Variants in EPB41L1 observed in about 807,000 individuals in gnomAD.
EPB41L1 encodes erythrocyte membrane protein band 4.1 like 1.
A neutral mutation model predicts 97.8 loss-of-function variants in EPB41L1; 29 were observed. The observed-to-expected ratio is 0.30, with a 90% CI of 0.22 to 0.40. The LOEUF is 0.40. Among genes scored for constraint, EPB41L1 ranks in the 10% least tolerant of loss-of-function variants. The pLI is 1.00. For synonymous variants in EPB41L1, 383 were observed against 459.2 expected, an observed-to-expected ratio of 0.83 and a Z score of 2.12; for missense variants, 812 against 1,162.3, an observed-to-expected ratio of 0.70 and a Z score of 4.38.
chr20:36,190,309 G>A lies in EPB41L1; in HGVS notation c.1059G>A (p.Lys353=). ...AATTTGAGAGCACAATTGGCTTTAA[G>A]CTCCCAAACCACCGGTCAGCCAAGA... The part of the protein sequence containing the change: ...YEQFESTIGF[K]LPNHRSAKRL... The change falls in exon 10 of 22, where the codon AAG becomes AAA. Residue 353 remains lysine, a synonymous_variant. Transcript: ENST00000338074. This position sits in a 1 kb window ranked among gnomAD's most constrained non-coding sequence, Gnocchi z 5.8. 6.2e-7 allele frequency: 1 copy of A among 1,614,190 alleles called. No individual in the cohort carries two copies. The highest frequency in any genetic ancestry group is 8.5e-7 in the Non-Finnish European group (1 of 1,180,032).
chr20:36,225,164 A>G (rs991023333), intron 21 of EPB41L1, among the ~76,000 whole-genome samples: 2 of 152,136 alleles, frequency 1.3e-5, no homozygotes, highest in African/African-American at 4.8e-5. Flanking sequence ...TTCACATTCT[A>G]TTTCTATTGG....
chr20:36,227,909 C>T (rs920902046), intron 21 of EPB41L1, among the ~76,000 whole-genome samples: 1 of 152,212 alleles, frequency 6.6e-6, no homozygotes, highest in Non-Finnish European at 1.5e-5. Context: ...GAGGACCTGT[C>T]TCCCAAACAC....
At position 36,191,570 on chromosome 20, in the gene EPB41L1, C is replaced by T. The variant is rs911160507; in HGVS notation, c.1300+773C>T. On this transcript the variant is annotated intron_variant, in intron 11 of 21. Transcript: ENST00000338074. ...AATCAGCACCCTTCAGGGCCCAAGTCTCTCCCCAGGATGTACACACTAGAG... is the reference window on the plus strand; with the variant it reads ...AATCAGCACCCTTCAGGGCCCAAGTTTCTCCCCAGGATGTACACACTAGAG... Among the ~76,000 whole-genome samples the T allele has an allele frequency of 5.0e-4, 76 of 152,178 alleles. 3 individuals carry two copies.
In EPB41L1 at chr20:36,197,897, G is replaced by C; in HGVS notation, c.1524G>C (p.Gln508His). Residue 508 changes from glutamine (Q) to histidine (H), a missense_variant, in exon 14 of 22, where the codon CAG becomes CAC. Transcript: ENST00000338074. Reference sequence around the variant, plus strand: ...CAGAAGATGTCTTGCTGAAGCACCAGGCCAGCATCAATGAGCTCAAAAGGA... The same window carrying C: ...CAGAAGATGTCTTGCTGAAGCACCACGCCAGCATCAATGAGCTCAAAAGGA... ...DKPEDVLLKHQASINELKRTL... is the reference protein window; with the variant it reads ...DKPEDVLLKHHASINELKRTL... The C allele has an allele frequency of 6.2e-7, 1 of 1,614,118 alleles. No homozygotes were observed. The highest frequency in any genetic ancestry group is 8.5e-7 in the Non-Finnish European group (1 of 1,180,032).
chr20:36,173,437 CG>C (rs1179470846), intron 1 of EPB41L1, among the ~76,000 whole-genome samples: 1 of 152,182 alleles, frequency 6.6e-6, no homozygotes, highest in Non-Finnish European at 1.5e-5. Context: ...TGCCTGGAGG[CG>C]GCCACTGGCA....
chr20:36,184,467 T>A (rs1436199256), intron 6 of EPB41L1, among the ~76,000 whole-genome samples: 1 of 152,238 alleles, frequency 6.6e-6, no homozygotes, highest in African/African-American at 2.4e-5. Context: ...TTAAACCAAT[T>A]TGTTTTCAGA....
At chr20:36,179,730 G>C (rs1487478864) in intron 5 of EPB41L1, among the ~76,000 whole-genome samples, 1 of 152,248 alleles carries the variant, frequency 6.6e-6, no homozygotes, top group Non-Finnish European at 1.5e-5. Flanking sequence ...AGCTGTAGCT[G>C]AGCCTGTTAC....
intron 2 of EPB41L1, among the ~76,000 whole-genome samples, chr20:36,146,995 A>G (rs1216334681): frequency 6.6e-6 from 1 of 152,082 alleles, no homozygotes; most frequent in Non-Finnish European, 1.5e-5. Flanking sequence ...AAAAATATAA[A>G]AATTAGCAGT....
At chr20:36,188,067 G>A (rs2061760075) in intron 8 of EPB41L1, among the ~76,000 whole-genome samples, 1 of 152,198 alleles carries the variant, frequency 6.6e-6, no homozygotes, top group Admixed American at 6.5e-5. Context: ...CTGGCACCAA[G>A]TGTGTGCCAC....
intron 19 of EPB41L1, 61 bp from the exon 20 acceptor site, chr20:36,221,803 C>T: frequency 6.8e-7 from 1 of 1,480,304 alleles, no homozygotes; most frequent in South Asian, 1.1e-5. Flanking sequence ...GGTAGGTCCC[C>T]TCTTGAGGCT....
intron 12 of EPB41L1, 21 bp downstream of exon 12, chr20:36,194,381 T>C: frequency 6.3e-7 from 1 of 1,588,208 alleles, no homozygotes. Flanking sequence ...GGCTTTCTCA[T>C]ACTCTCTGCC....
chr20:36,198,490 G>A (rs1299937951), intron 14 of EPB41L1, among the ~76,000 whole-genome samples: 3 of 152,224 alleles, frequency 2.0e-5, no homozygotes, highest in Non-Finnish European at 4.4e-5. Flanking sequence ...TGTGCCTATT[G>A]TGAAAACACG....
chr20:36,222,927 T>C (rs1002477196), intron 21 of EPB41L1, among the ~76,000 whole-genome samples: 2 of 152,166 alleles, frequency 1.3e-5, no homozygotes, highest in African/African-American at 4.8e-5. Flanking sequence ...GATGGAGTCT[T>C]GCTCTGTCAC....
In EPB41L1 at chr20:36,229,538, C is replaced by G. The variant is rs968976933; in HGVS notation, c.*198C>G. On this transcript the variant is annotated 3_prime_UTR_variant, in exon 22 of 22. Transcript: ENST00000338074. ...GATATATATACAGGAAACACCGCAT[C>G]CTTGCACTGCTGCTGGGGCTGGCAG... 1 of 478,248 alleles carries G rather than the reference C, an allele frequency of 2.1e-6. No homozygotes were observed. Among genetic ancestry groups the G allele is most frequent in the Non-Finnish European group, 3.8e-6 (1 of 262,766 alleles). The allele number at this position is 478,248 out of a possible 1,614,324, so 29.6% of individuals were successfully genotyped here. A position where few individuals can be genotyped will look rare whatever the true frequency, so the allele number is the denominator to read the frequency against.
At chr20:36,228,194 T>G (rs2064291615) in intron 21 of EPB41L1, among the ~76,000 whole-genome samples, 1 of 152,208 alleles carries the variant, frequency 6.6e-6, no homozygotes, top group African/African-American at 2.4e-5. Flanking sequence ...CCAGGCACAG[T>G]GTTGAACACT....
At chr20:36,126,873 A>C (rs1203970594) in intron 2 of EPB41L1, among the ~76,000 whole-genome samples, 1 of 152,224 alleles carries the variant, frequency 6.6e-6, no homozygotes, top group Non-Finnish European at 1.5e-5. Flanking sequence ...GGTGCATGAA[A>C]GTTGCTCATG....
chr20:36,175,052 T>G (rs1409111761), intron 2 of EPB41L1, among the ~76,000 whole-genome samples: 1 of 152,184 alleles, frequency 6.6e-6, no homozygotes, highest in Non-Finnish European at 1.5e-5. Flanking sequence ...GGGCAGGGAC[T>G]TGGCCAAGAT....
rs1317788589 is a variant in EPB41L1 at position 36,170,481 on chromosome 20, A to C, written c.-14-3283A>C. 2.0e-5 allele frequency among the ~76,000 whole-genome samples: 3 copies of C among 152,102 alleles called. No individual in the cohort carries two copies. In the East Asian group the frequency reaches 5.8e-4, roughly 29 times the overall value. ...TGCTTTTTTTACTCAAATCTTTTCC[A>C]TGATTTTTTACGTTTTTTTCCTTAA... On this transcript the variant is annotated intron_variant, in intron 1 of 21. Transcript: ENST00000338074.
intron 7 of EPB41L1, among the ~76,000 whole-genome samples, chr20:36,186,219 T>C (rs1386445463): frequency 6.6e-6 from 1 of 152,178 alleles, no homozygotes; most frequent in East Asian, 1.9e-4. Context: ...CCCTTGGAAC[T>C]AAATGATTTG....
Sources: gnomAD v4.1 joint callset for allele counts (sites outside exome capture counted in the v4.1 genomes callset) on GRCh38, gnomAD v4.1.1 for gene constraint, Gnocchi (gnomAD v3.1) non-coding constraint, MANE v1.5 for transcripts, NCBI Gene and HGNC (gene_info 2026-07-23, HGNC 2026-07-21) for gene names.